The following DMD variants were observed in gnomAD, a reference collection of about 807,000 sequenced individuals.
DMD encodes mutant dystrophin.
In DMD, 63 loss-of-function variants were observed where a neutral mutation model predicts 330.1. That is an observed-to-expected ratio of 0.19 (90% CI 0.16 to 0.24). DMD has a LOEUF of 0.24. DMD is among the 10% of genes least tolerant of loss of function. The pLI, the probability that DMD is intolerant of heterozygous loss-of-function variation, is 1.00. For missense variants in DMD, 3,344 were observed against 2,684.1 expected (o/e 1.25, Z -5.43); for synonymous variants, 1,223 against 959.8 (o/e 1.27, Z -5.07).
intron 44 of DMD, among the ~76,000 whole-genome samples, chrX:32,005,105 CAA>C (rs1320760420): frequency 2.7e-5 from 3 of 111,456 alleles, no homozygotes; most frequent in Non-Finnish European, 3.8e-5. Context: ...AAACTAGCCT[CAA>C]AGGACAATAT....
intron 2 of DMD, among the ~76,000 whole-genome samples, chrX:32,934,822 G>A (rs774781286): frequency 6.2e-5 from 7 of 112,454 alleles, no homozygotes; most frequent in Non-Finnish European, 1.1e-4. Flanking sequence ...TCTGGGGATT[G>A]TCATATCATT....
intron 9 of DMD, among the ~76,000 whole-genome samples, chrX:32,648,480 T>G (rs1288968415): frequency 8.9e-6 from 1 of 111,945 alleles, no homozygotes; most frequent in Non-Finnish European, 1.9e-5. Context: ...AATAGTAGTC[T>G]GTGTCACTTA....
intron 44 of DMD, among the ~76,000 whole-genome samples, chrX:32,078,260 T>A (rs1028342706): frequency 1.8e-5 from 2 of 112,072 alleles, no homozygotes; most frequent in African/African-American, 6.5e-5. Flanking sequence ...TAACACTGAT[T>A]TATTTTTTTC....
chrX:32,005,732 A>G (rs1333883989), intron 44 of DMD, among the ~76,000 whole-genome samples: 2 of 111,246 alleles, frequency 1.8e-5, no homozygotes, highest in African/African-American at 6.5e-5. Flanking sequence ...TAAACCAATA[A>G]CAGAGTACTT....
chrX:32,515,533 A>T (rs1469761753), intron 18 of DMD, among the ~76,000 whole-genome samples: 1 of 111,350 alleles, frequency 9.0e-6, no homozygotes, highest in Non-Finnish European at 1.9e-5. Flanking sequence ...TCCCCTTGTG[A>T]TCAAAGGAGG....
chrX:32,468,441 C>G, intron 23 of DMD, 57 bp downstream of exon 23: 2 of 1,023,748 alleles, frequency 2.0e-6, no homozygotes, highest in Non-Finnish European at 2.7e-6. Context: ...TACAGTGTAT[C>G]GTTAGGGAAA....
chrX:32,949,092 T>C (rs1368991982), intron 2 of DMD, among the ~76,000 whole-genome samples: 1 of 111,261 alleles, frequency 9.0e-6, no homozygotes, highest in African/African-American at 3.3e-5. Context: ...ACAGATTAAG[T>C]ATTTCTATAG....
At chrX:31,341,910 C>CACGCATGT (rs1556527497) in intron 61 of DMD, among the ~76,000 whole-genome samples, 99 of 110,606 alleles carry the variant, frequency 9.0e-4, no homozygotes, top group African/African-American at 2.7e-3. Flanking sequence ...CACACACACA[C>CACGCATGT]ACACACACAC....
intron 12 of DMD, 76 bp from the exon 13 acceptor site, chrX:32,595,952 G>C (rs1159150106): frequency 2.1e-6 from 2 of 937,908 alleles, no homozygotes; most frequent in South Asian, 2.0e-5. Context: ...CTCTCAAATG[G>C]TGAAATTTAT....
intron 55 of DMD, among the ~76,000 whole-genome samples, chrX:31,532,064 G>C (rs1470752578): frequency 2.6e-5 from 2 of 77,551 alleles, no homozygotes; most frequent in East Asian, 4.9e-4. Flanking sequence ...ACACTCTGCA[G>C]GATATTATCC....
intron 1 of DMD, among the ~76,000 whole-genome samples, chrX:33,296,037 A>G (rs1222096284): frequency 8.9e-6 from 1 of 111,797 alleles, no homozygotes; most frequent in African/African-American, 3.2e-5. Flanking sequence ...CTGATATGTA[A>G]CTATCATTTC....
chrX:33,255,745 C>G (rs2052846285), intron 1 of DMD, among the ~76,000 whole-genome samples: 3 of 111,066 alleles, frequency 2.7e-5, no homozygotes, highest in Non-Finnish European at 1.9e-5. Flanking sequence ...CAGTATTTTT[C>G]CTTTAATTGA....
At chrX:33,283,414 C>G (rs1345249416) in intron 1 of DMD, among the ~76,000 whole-genome samples, 2 of 109,301 alleles carry the variant, frequency 1.8e-5, no homozygotes, top group Admixed American at 9.9e-5. Context: ...GTGGTGGGCA[C>G]TCGGGAGGCT....
intron 52 of DMD, among the ~76,000 whole-genome samples, chrX:31,687,687 C>T (rs1448083777): frequency 8.9e-6 from 1 of 112,392 alleles, no homozygotes; most frequent in Non-Finnish European, 1.9e-5. Context: ...ACTCCAATGA[C>T]TGGCCCTCAG....
chrX:32,080,186 G>T (rs1338081933), intron 44 of DMD, among the ~76,000 whole-genome samples: 1 of 112,190 alleles, frequency 8.9e-6, no homozygotes, highest in African/African-American at 3.2e-5. Context: ...TGCAAGTAAT[G>T]CCAAGTATGA....
intron 1 of DMD, among the ~76,000 whole-genome samples, chrX:33,141,890 G>A (rs967080728): frequency 6.3e-5 from 7 of 111,518 alleles, no homozygotes; most frequent in Admixed American, 9.6e-5. Flanking sequence ...TAATTTACTC[G>A]CCATGAAAAC....
At position 32,900,985 on chromosome X, in the gene DMD, T is replaced by TAA. The variant is rs780053926; in HGVS notation, c.94-51167_94-51166dup. ...TAGAGAAATCTAAAATGTAAGGCAG[T>TAA]AAGCAGCTACTCTTCCAATAACTCC... On this transcript the variant is annotated intron_variant, in intron 2 of 78. Transcript: ENST00000357033. Among the ~76,000 whole-genome samples the TAA allele has an allele frequency of 2.7e-5, 3 of 111,402 alleles. No individual in the cohort carries two copies. The South Asian group carries it at 1.1e-3, about 42-fold the overall frequency.
rs751587273 is a variant in DMD at position 32,171,612 on chromosome X, C to G, written c.6438+45304G>C. 4.0e-3 allele frequency among the ~76,000 whole-genome samples: 444 copies of G among 111,160 alleles called. 1 individual carries two copies. The highest frequency in any genetic ancestry group is 6.2e-3 in the Non-Finnish European group (326 of 52,921). ...ATCACACTAAGAATTCTCTGTAATG[C>G]TTTGTTCCAGCTATAAGAAAACAAT... On this transcript the variant is annotated intron_variant, in intron 44 of 78. Transcript: ENST00000357033.
chrX:31,708,430 A>C (rs747076386), intron 52 of DMD, among the ~76,000 whole-genome samples: 10 of 112,010 alleles, frequency 8.9e-5, no homozygotes, highest in African/African-American at 3.2e-4. Context: ...GAAAAAAATC[A>C]AGTTCACCTC....
Sources: gnomAD v4.1 joint callset for allele counts (sites outside exome capture counted in the v4.1 genomes callset) on GRCh38, gnomAD v4.1.1 for gene constraint, MANE v1.5 for transcripts, NCBI Gene and HGNC (gene_info 2026-07-23, HGNC 2026-07-21) for gene names.